Variants in XRCC6 observed in about 807,000 individuals in gnomAD.
XRCC6 encodes DNA repair protein Ku70.
A neutral mutation model predicts 65.7 loss-of-function variants in XRCC6; 5 were observed. That is an observed-to-expected ratio of 0.08 (90% CI 0.04 to 0.16). The LOEUF (loss-of-function observed/expected upper bound fraction) is 0.16. Ranked by LOEUF, XRCC6 falls within the 10% of genes least tolerant of loss-of-function variation. The pLI is 1.00. For synonymous variants in XRCC6, 270 were observed against 270.6 expected, an observed-to-expected ratio of 1.00 and a Z score of 0.02; for missense variants, 447 against 738.1, an observed-to-expected ratio of 0.61 and a Z score of 4.57.
intron 6 of XRCC6, among the ~76,000 whole-genome samples, chr22:41,638,013 A>G (rs1158828561): frequency 6.6e-6 from 1 of 151,978 alleles, no homozygotes; most frequent in Non-Finnish European, 1.5e-5. Flanking sequence ...ACATTGCTTA[A>G]CAAACCAGAA....
chr22:41,641,527 A>T (rs2067876932), intron 6 of XRCC6, among the ~76,000 whole-genome samples: 1 of 152,060 alleles, frequency 6.6e-6, no homozygotes, highest in Non-Finnish European at 1.5e-5. Flanking sequence ...AGTCACCCTG[A>T]TCTGCTCTAA....
At chr22:41,656,652 A>G (rs577756278) in intron 9 of XRCC6, among the ~76,000 whole-genome samples, 2 of 152,352 alleles carry the variant, frequency 1.3e-5, no homozygotes, top group Non-Finnish European at 2.9e-5. Context: ...TTCTTCAAAC[A>G]TATTCCCCAG....
At chr22:41,637,290 G>A (rs140125187) in intron 5 of XRCC6, among the ~76,000 whole-genome samples, 11 of 152,082 alleles carry the variant, frequency 7.2e-5, no homozygotes, top group African/African-American at 2.7e-4. Context: ...TCACCACGTT[G>A]ACCAGGCTGG....
At chr22:41,661,041 A>G (rs1013322709) in intron 11 of XRCC6, among the ~76,000 whole-genome samples, 1 of 150,726 alleles carries the variant, frequency 6.6e-6, no homozygotes, top group Non-Finnish European at 1.5e-5. Context: ...TCAAAAAAAA[A>G]TCTAAAAAAA....
At chr22:41,653,204 G>T (rs1303681328) in intron 8 of XRCC6, among the ~76,000 whole-genome samples, 2 of 152,134 alleles carry the variant, frequency 1.3e-5, no homozygotes, top group East Asian at 3.9e-4. Flanking sequence ...AGGAGTTGGA[G>T]ACCAGCGTGG....
At chr22:41,644,599 C>A (rs147462545) in intron 6 of XRCC6, among the ~76,000 whole-genome samples, 11 of 152,240 alleles carry the variant, frequency 7.2e-5, no homozygotes, top group African/African-American at 2.6e-4. Flanking sequence ...AATTCTCCTG[C>A]CTCAGCCTCC....
chr22:41,640,951 G>T (rs774169911), intron 6 of XRCC6, among the ~76,000 whole-genome samples: 1 of 152,062 alleles, frequency 6.6e-6, no homozygotes, highest in Non-Finnish European at 1.5e-5. Context: ...GCAAAAAATG[G>T]TACCTCCTTG....
intron 12 of XRCC6, among the ~76,000 whole-genome samples, chr22:41,662,516 C>T (rs2068109034): frequency 6.6e-6 from 1 of 152,066 alleles, no homozygotes; most frequent in African/African-American, 2.4e-5. Flanking sequence ...TATTTATATC[C>T]ACACTTACCT....
intron 3 of XRCC6, among the ~76,000 whole-genome samples, chr22:41,635,644 G>C (rs1202261675): frequency 6.6e-6 from 1 of 152,054 alleles, no homozygotes; most frequent in Admixed American, 6.6e-5. Context: ...GGGGTCAAGC[G>C]ATCTTTCACC....
At chr22:41,645,682 G>A (rs2067924468) in intron 6 of XRCC6, among the ~76,000 whole-genome samples, 1 of 151,508 alleles carries the variant, frequency 6.6e-6, no homozygotes, top group South Asian at 2.1e-4. Flanking sequence ...ATTTTGATGG[G>A]GCTTTATTCT....
chr22:41,629,561 T>G (rs2067716724), intron 3 of XRCC6, among the ~76,000 whole-genome samples: 1 of 152,264 alleles, frequency 6.6e-6, no homozygotes. Context: ...AGGGAGCAAC[T>G]GCTCAATGGG....
At chr22:41,657,909 G>A (rs970248309) in intron 10 of XRCC6, among the ~76,000 whole-genome samples, 2 of 151,832 alleles carry the variant, frequency 1.3e-5, no homozygotes, top group Non-Finnish European at 2.9e-5. Flanking sequence ...CTGCAGCCTC[G>A]ATCTCCTGGA....
chr22:41,655,800 G>A (rs1188492564), intron 9 of XRCC6, among the ~76,000 whole-genome samples: 1 of 151,394 alleles, frequency 6.6e-6, no homozygotes, highest in Non-Finnish European at 1.5e-5. Flanking sequence ...CTGAGCTCAA[G>A]TGATCCTCCT....
chr22:41,638,847 C>T (rs371208987), intron 6 of XRCC6, among the ~76,000 whole-genome samples: 2 of 150,392 alleles, frequency 1.3e-5, no homozygotes, highest in Admixed American at 6.7e-5. Context: ...GCACTTACCA[C>T]GAATGGAACT....
intron 2 of XRCC6, among the ~76,000 whole-genome samples, chr22:41,626,932 G>T (rs1056835027): frequency 6.6e-6 from 1 of 152,054 alleles, no homozygotes; most frequent in African/African-American, 2.4e-5. Flanking sequence ...GAGCCACTGC[G>T]CCCAGCCTAA....
At chr22:41,646,797 T>C in intron 6 of XRCC6, 99 bp from the exon 7 acceptor site, 4 of 1,020,236 alleles carry the variant, frequency 3.9e-6, no homozygotes, top group Non-Finnish European at 4.3e-6. Flanking sequence ...TTAGGATTAT[T>C]GGAGAGAATA....
Position 41,661,415 on chromosome 22 carries a change from C to A in XRCC6, c.1607C>A (p.Pro536His). ...CTTGTTTACCCACCAGATTACAATC[C>A]TGAAGGGAAAGTTACCAAGAGAAAA... ...KELVYPPDYN[P>H]EGKVTKRKHD... Residue 536 changes from proline (P) to histidine (H), a missense_variant, in exon 12 of 13, where the codon CCT (proline) becomes CAT (histidine). By Grantham distance (77) the Pro-to-His change is moderately conservative. Transcript: ENST00000360079. 6.2e-7 allele frequency: 1 copy of A among 1,613,986 alleles called. No individual in the cohort carries two copies. Among genetic ancestry groups the A allele is most frequent in the East Asian group, 2.2e-5 (1 of 44,876 alleles).
intron 3 of XRCC6, among the ~76,000 whole-genome samples, chr22:41,631,166 C>G (rs1178009255): frequency 6.8e-6 from 1 of 146,226 alleles, no homozygotes; most frequent in Non-Finnish European, 1.5e-5. Context: ...CCCTCCCGGA[C>G]GGGGCGGCTG....
At chr22:41,662,052 G>C (rs537338246) in intron 12 of XRCC6, among the ~76,000 whole-genome samples, 18 of 152,160 alleles carry the variant, frequency 1.2e-4, no homozygotes, top group Non-Finnish European at 2.2e-4. Flanking sequence ...GAGCATAGAA[G>C]GATGGTTACC....
Sources: gnomAD v4.1 joint callset for allele counts (sites outside exome capture counted in the v4.1 genomes callset) on GRCh38, gnomAD v4.1.1 for gene constraint, MANE v1.5 for transcripts, NCBI Gene and HGNC (gene_info 2026-07-23, HGNC 2026-07-21) for gene names.